Variants in EBF3 observed in about 807,000 individuals in gnomAD.
EBF3 encodes the protein transcription factor COE3.
Under a neutral mutation model 77.1 loss-of-function variants are expected in EBF3, and 18 were observed. The observed-to-expected ratio is 0.23, with a 90% CI of 0.16 to 0.35. The LOEUF (loss-of-function observed/expected upper bound fraction) is 0.35, where lower values mean the gene tolerates loss of function less well. Ranked by LOEUF, EBF3 falls within the 10% of genes least tolerant of loss-of-function variation. The pLI is 1.00. For missense variants in EBF3, 558 were observed against 860.0 expected, an observed-to-expected ratio of 0.65 and a Z score of 4.39; for synonymous variants, 350 against 343.5, an observed-to-expected ratio of 1.02 and a Z score of -0.21.
At position 129,935,985 on chromosome 10, in the gene EBF3, CCG is replaced by C. The variant is rs113026248; in HGVS notation, c.554+21271_554+21272del. Among the ~76,000 whole-genome samples the C allele has an allele frequency of 0.05, 7,621 of 152,100 alleles. 520 individuals are homozygous for C. The highest frequency in any genetic ancestry group is 0.16 in the African/African-American group (6,646 of 41,370). On this transcript the variant is annotated intron_variant, in intron 6 of 16. Coordinates refer to ENST00000440978, the MANE Select transcript of EBF3 (RefSeq NM_001375380.1). The surrounding 1 kb of genome is among the most constrained non-coding windows in gnomAD (Gnocchi z 4.2). ...GGGGGGCTTCCTGAAGCTGCCCCCC[CCG>C]CCCAACAATGCAGCTGGTGCCCAGG...
At chr10:129,880,554 T>G (rs1473885241) in intron 6 of EBF3, among the ~76,000 whole-genome samples, 1 of 152,190 alleles carries the variant, frequency 6.6e-6, no homozygotes, top group African/African-American at 2.4e-5. Context: ...CTCTTTATTT[T>G]CTATGTGGCA....
chr10:129,962,938 T>A lies in EBF3; in HGVS notation c.355+4A>T, dbSNP rs1446777128. 6.2e-7 allele frequency: 1 copy of A among 1,614,004 alleles called. No homozygotes were observed. The highest frequency in any genetic ancestry group is 2.2e-5 in the East Asian group (1 of 44,828). ...GGGGCGGCGAGCACGCAGCAGGCAC[T>A]TACCGTTGCTGTACAATAACTGGAG... is the stretch of plus-strand genomic sequence containing the variant. On this transcript the variant is annotated splice_donor_region_variant and intron_variant, in intron 3 of 16. Coordinates refer to ENST00000440978, the MANE Select transcript of EBF3 (RefSeq NM_001375380.1).
chr10:129,892,866 CATCAA>C (rs1854118925), intron 6 of EBF3, among the ~76,000 whole-genome samples: 1 of 152,214 alleles, frequency 6.6e-6, no homozygotes, highest in South Asian at 2.1e-4. Flanking sequence ...TGAACGTCGC[CATCAA>C]ATCATAACCC....
chr10:129,873,465 A>G lies in EBF3; in HGVS notation c.768T>C (p.Ser256=). Residue 256 remains serine, a synonymous_variant, in exon 8 of 17, where the codon TCT becomes TCC. Coordinates refer to ENST00000440978, the MANE Select transcript of EBF3 (RefSeq NM_001375380.1). The part of the protein sequence containing the change: ...RLDPSEGTAP[S]YLENATPCIK... Reference sequence around the variant, plus strand: ...ACATGTGCCTACCATTTTCCAGATAAGAAGGGGCCGTACCTTCTGACGGGT... The same window carrying G: ...ACATGTGCCTACCATTTTCCAGATAGGAAGGGGCCGTACCTTCTGACGGGT... The G allele has an allele frequency of 6.5e-7, 1 of 1,537,712 alleles. No individual in the cohort carries two copies. The highest frequency in any genetic ancestry group is 1.7e-4 in the Middle Eastern group (1 of 5,758).
intron 4 of EBF3, among the ~76,000 whole-genome samples, chr10:129,959,898 G>C (rs1304671629): frequency 6.6e-6 from 1 of 152,158 alleles, no homozygotes; most frequent in East Asian, 1.9e-4. Flanking sequence ...TGTTTATTTT[G>C]AAACTGCTAA....
At chr10:129,915,910 C>T (rs535833193) in intron 6 of EBF3, among the ~76,000 whole-genome samples, 20 of 152,208 alleles carry the variant, frequency 1.3e-4, no homozygotes, top group Non-Finnish European at 2.5e-4. Flanking sequence ...CCTGGGGAGA[C>T]GGGGAGGGTG....
chr10:129,854,065 C>T (rs146401639), intron 10 of EBF3, among the ~76,000 whole-genome samples: 1 of 149,952 alleles, frequency 6.7e-6, no homozygotes, highest in Admixed American at 6.6e-5. Context: ...TTAGCTCCCC[C>T]CTGAATACCT....
At chr10:129,957,348 T>C (rs1859114243) in intron 5 of EBF3, 22 bp from the exon 6 acceptor site, 1 of 1,582,072 alleles carries the variant, frequency 6.3e-7, no homozygotes, top group Non-Finnish European at 8.6e-7. Flanking sequence ...TTGTAAACAG[T>C]GGTTTTAATA....
chr10:129,918,645 C>G lies in EBF3; in HGVS notation c.554+38613G>C, dbSNP rs1034348791. Among the ~76,000 whole-genome samples the G allele has an allele frequency of 1.8e-4, 27 of 152,328 alleles. 1 individual carries two copies. Among genetic ancestry groups the G allele is most frequent in the African/African-American group, 5.3e-4 (22 of 41,588 alleles). On this transcript the variant is annotated intron_variant, in intron 6 of 16. Transcript: ENST00000440978. The stretch of plus-strand genomic sequence containing the variant: ...ATGATCAGGGCCCTGCCCTACCCCC[C>G]TCCCCAGCTCCCTGCCCCAGGGGCC...
chr10:129,892,456 G>A (rs1274589438), intron 6 of EBF3, among the ~76,000 whole-genome samples: 3 of 152,216 alleles, frequency 2.0e-5, no homozygotes, highest in Non-Finnish European at 4.4e-5. Context: ...TGGTGCCACG[G>A]ATGCCGGACA....
At chr10:129,918,002 C>T (rs998479357) in intron 6 of EBF3, among the ~76,000 whole-genome samples, 1 of 152,238 alleles carries the variant, frequency 6.6e-6, no homozygotes, top group African/African-American at 2.4e-5. Flanking sequence ...TGACTTCCTT[C>T]AACCCCCATC....
intron 6 of EBF3, among the ~76,000 whole-genome samples, chr10:129,941,792 C>T (rs538126471): frequency 1.3e-5 from 2 of 152,304 alleles, no homozygotes; most frequent in South Asian, 4.1e-4. Flanking sequence ...CTGAGTAATG[C>T]AGTGCCAGGC....
rs189912401 is a variant in EBF3 at position 129,905,110 on chromosome 10, C to T, written c.555-27261G>A. ...CTGGACCCCAGGGCTCCACCCTCAG[C>T]TCTTCCCTGCCCTTGTCTTTCCATC... On this transcript the variant is annotated intron_variant, in intron 6 of 16. Coordinates refer to ENST00000440978, the MANE Select transcript of EBF3 (RefSeq NM_001375380.1). Among the ~76,000 whole-genome samples the T allele has an allele frequency of 1.2e-3, 190 of 152,348 alleles. 1 individual carries two copies. Among genetic ancestry groups the T allele is most frequent in the African/African-American group, 4.2e-3 (174 of 41,586 alleles).
At chr10:129,851,703 C>T (rs1008388691) in intron 10 of EBF3, among the ~76,000 whole-genome samples, 4 of 151,988 alleles carry the variant, frequency 2.6e-5, no homozygotes, top group African/African-American at 4.8e-5. Flanking sequence ...TGGGTTGCTG[C>T]GTATAAGAGA....
At position 129,867,984 on chromosome 10, in the gene EBF3, GCGCGTCC is replaced by G. The variant is rs1376502497; in HGVS notation, c.782-79_782-73del. ...TCCGACGCTGGGCCGCTCGGCCACC[GCGCGTCC>G]CGCGGCCACCGCGGGAGGAGAGGCG... On this transcript the variant is annotated intron_variant, in intron 8 of 16. Coordinates refer to ENST00000440978, the MANE Select transcript of EBF3 (RefSeq NM_001375380.1). The G allele has an allele frequency of 1.3e-5, 20 of 1,569,968 alleles. No homozygotes were observed. In the African/African-American group the frequency reaches 2.2e-4, roughly 17 times the overall value.
rs1301565867 is a variant in EBF3 at position 129,879,922 on chromosome 10, T to G, written c.555-2073A>C. Among the ~76,000 whole-genome samples, 1 of 152,140 alleles carries G rather than the reference T, an allele frequency of 6.6e-6. No individual in the cohort carries two copies. The highest frequency in any genetic ancestry group is 2.4e-5 in the African/African-American group (1 of 41,422). On this transcript the variant is annotated intron_variant, in intron 6 of 16. Transcript: ENST00000440978. The surrounding 1 kb of genome is among the most constrained non-coding windows in gnomAD (Gnocchi z 4.7). ...ATTACACCACACATTACCACCCAGC[T>G]AATCTTCGGAGCAGGCGCCGGCCCG...
chr10:129,862,085 C>T (rs1851680807), intron 10 of EBF3, among the ~76,000 whole-genome samples: 1 of 152,122 alleles, frequency 6.6e-6, no homozygotes, highest in African/African-American at 2.4e-5. Context: ...TCACCCAGGG[C>T]CAGGACAGCC....
chr10:129,936,442 G>C (rs1386207779), intron 6 of EBF3, among the ~76,000 whole-genome samples: 3 of 152,236 alleles, frequency 2.0e-5, no homozygotes, highest in Non-Finnish European at 4.4e-5. Flanking sequence ...TGAGGGATGG[G>C]AGAGGCCCAC....
In EBF3 at chr10:129,955,148, T is replaced by G. The variant is rs74162536; in HGVS notation, c.554+2110A>C. ...CAGGGATTTACAACAGACAACACAATGCTAATAGTACTTTGCCATTCTAAG... is the reference window on the plus strand; with the variant it reads ...CAGGGATTTACAACAGACAACACAAGGCTAATAGTACTTTGCCATTCTAAG... On this transcript the variant is annotated intron_variant, in intron 6 of 16. Coordinates refer to ENST00000440978, the MANE Select transcript of EBF3 (RefSeq NM_001375380.1). Among the ~76,000 whole-genome samples, 839 of 152,284 alleles carry G rather than the reference T, an allele frequency of 5.5e-3. 6 individuals carry two copies. The highest frequency in any genetic ancestry group is 0.019 in the African/African-American group (775 of 41,560).
Sources: gnomAD v4.1 joint callset for allele counts (sites outside exome capture counted in the v4.1 genomes callset) on GRCh38, gnomAD v4.1.1 for gene constraint, Gnocchi (gnomAD v3.1) non-coding constraint, MANE v1.5 for transcripts, NCBI Gene and HGNC (gene_info 2026-07-23, HGNC 2026-07-21) for gene names.